Variants in PHACTR4 observed in about 807,000 individuals in gnomAD.
PHACTR4 encodes protein phosphatase 1, regulatory subunit 124.
Under a neutral mutation model 72.7 loss-of-function variants are expected in PHACTR4, and 51 were observed. That is an observed-to-expected ratio of 0.70 (90% CI 0.56 to 0.89). The LOEUF (loss-of-function observed/expected upper bound fraction) is 0.89, where lower values mean the gene tolerates loss of function less well. Ranked by LOEUF, PHACTR4 falls within the 40% of genes least tolerant of loss-of-function variation. The probability of loss-of-function intolerance (pLI) is 0.00; values close to 1 mark genes in which losing one functional copy is unlikely to be tolerated. For missense variants in PHACTR4, 731 were observed against 861.8 expected (o/e 0.85, Z 1.90); for synonymous variants, 255 against 302.5 (o/e 0.84, Z 1.63).
At chr1:28,457,232 G>A (rs1274824132) in intron 2 of PHACTR4, 15 of 402,618 alleles carry the variant, frequency 3.7e-5, no homozygotes, top group Non-Finnish European at 7.6e-5. Context: ...GATTGAATTT[G>A]GCAGTTGTTT....
At chr1:28,373,675 C>T (rs1651422441) in intron 1 of PHACTR4, among the ~76,000 whole-genome samples, 1 of 152,194 alleles carries the variant, frequency 6.6e-6, no homozygotes, top group South Asian at 2.1e-4. Flanking sequence ...ATCCTCTCAC[C>T]TCAGCCTCCC....
Position 28,389,511 on chromosome 1 carries a change from C to T in PHACTR4, c.-38-17899C>T, listed in dbSNP as rs191073895. Among the ~76,000 whole-genome samples, 7 of 146,228 alleles carry T rather than the reference C, an allele frequency of 4.8e-5. No individual in the cohort carries two copies. The East Asian group carries it at 1.4e-3, about 29-fold the overall frequency. ...TTTTTTTTTTTGAGACACAGTCTCG[C>T]TCTGTTGCCAGGCTGGAGTGCAGTG... is the stretch of plus-strand genomic sequence containing the variant. On this transcript the variant is annotated intron_variant, in intron 1 of 13. Transcript: ENST00000373839.
chr1:28,450,898 C>T (rs1447984297), intron 2 of PHACTR4, among the ~76,000 whole-genome samples: 2 of 150,104 alleles, frequency 1.3e-5, no homozygotes, highest in Admixed American at 6.7e-5. Flanking sequence ...GCAGCCTCTG[C>T]CTCCCGGGTT....
At chr1:28,433,567 C>T (rs1656427819) in intron 2 of PHACTR4, among the ~76,000 whole-genome samples, 1 of 146,184 alleles carries the variant, frequency 6.8e-6, no homozygotes, top group Admixed American at 7.0e-5. Flanking sequence ...AAGCAATTTT[C>T]CTGCCTCAGC....
intron 4 of PHACTR4, among the ~76,000 whole-genome samples, chr1:28,461,857 T>C (rs1279670284): frequency 1.3e-5 from 2 of 151,704 alleles, no homozygotes; most frequent in South Asian, 2.1e-4. Flanking sequence ...TTCTTTCTTT[T>C]TTTTTTTTTG....
intron 2 of PHACTR4, among the ~76,000 whole-genome samples, chr1:28,444,102 T>C (rs1347612107): frequency 6.6e-6 from 1 of 152,250 alleles, no homozygotes; most frequent in Middle Eastern, 3.4e-3. Context: ...TGGCTACTTT[T>C]TGTCTTTTTG....
Position 28,474,743 on chromosome 1 carries a change from A to G in PHACTR4, c.1421+592A>G, listed in dbSNP as rs866221905. Among the ~76,000 whole-genome samples the G allele has an allele frequency of 2.6e-4, 39 of 151,434 alleles. No individual in the cohort carries two copies. In the South Asian group the frequency reaches 7.9e-3, roughly 31 times the overall value. Reference sequence around the variant, plus strand: ...TTTTTAGTGGAGATGGGGTTTCAACATGTTGGCCAGGCTGGTCTCGAACTC... The same window carrying G: ...TTTTTAGTGGAGATGGGGTTTCAACGTGTTGGCCAGGCTGGTCTCGAACTC... On this transcript the variant is annotated intron_variant, in intron 7 of 13. Transcript: ENST00000373839.
intron 1 of PHACTR4, among the ~76,000 whole-genome samples, chr1:28,379,630 C>T (rs1201284820): frequency 6.8e-6 from 1 of 147,908 alleles, no homozygotes; most frequent in Non-Finnish European, 1.5e-5. Flanking sequence ...CGCTCTGTTG[C>T]CCAGGCTGGA....
intron 2 of PHACTR4, among the ~76,000 whole-genome samples, chr1:28,453,165 A>T (rs1039987780): frequency 5.9e-5 from 9 of 152,134 alleles, no homozygotes; most frequent in Non-Finnish European, 1.2e-4. Context: ...ATTAACTAGC[A>T]TATACTGTAC....
chr1:28,385,475 G>A (rs554733384), intron 1 of PHACTR4, among the ~76,000 whole-genome samples: 126 of 150,446 alleles, frequency 8.4e-4, no homozygotes, highest in Non-Finnish European at 1.5e-3. Context: ...ACCTGGAGGC[G>A]GAGGTTGCAG....
chr1:28,387,015 C>T (rs972920895), intron 1 of PHACTR4, among the ~76,000 whole-genome samples: 4 of 152,068 alleles, frequency 2.6e-5, no homozygotes, highest in African/African-American at 9.7e-5. Flanking sequence ...GTAATCCCAG[C>T]ACTTTGGGAG....
At chr1:28,435,801 C>T (rs1179564188) in intron 2 of PHACTR4, among the ~76,000 whole-genome samples, 3 of 152,198 alleles carry the variant, frequency 2.0e-5, no homozygotes, top group African/African-American at 7.2e-5. Context: ...ACAAGCAATG[C>T]ATTGCCACCT....
At chr1:28,468,233 G>T (rs1469929461) in intron 6 of PHACTR4, among the ~76,000 whole-genome samples, 2 of 152,134 alleles carry the variant, frequency 1.3e-5, no homozygotes, top group East Asian at 1.9e-4. Flanking sequence ...ACCTTGTGCT[G>T]CAGGAAACCA....
At chr1:28,453,590 G>A in intron 2 of PHACTR4, 3 of 965,590 alleles carry the variant, frequency 3.1e-6, no homozygotes, top group South Asian at 1.5e-5. Flanking sequence ...CAGCACAGTG[G>A]ATGCATTTCT....
At chr1:28,380,597 T>G (rs574954540) in intron 1 of PHACTR4, among the ~76,000 whole-genome samples, 38 of 152,336 alleles carry the variant, frequency 2.5e-4, no homozygotes, top group African/African-American at 8.7e-4. Context: ...ATGTGATATT[T>G]GTTTTTCTGT....
intron 1 of PHACTR4, among the ~76,000 whole-genome samples, chr1:28,374,054 T>A (rs573022575): frequency 6.6e-6 from 1 of 152,336 alleles, no homozygotes; most frequent in Non-Finnish European, 1.5e-5. Flanking sequence ...GAACTGGAAT[T>A]TCTGGAACCA....
chr1:28,390,402 G>T (rs941849416), intron 1 of PHACTR4, among the ~76,000 whole-genome samples: 1 of 152,304 alleles, frequency 6.6e-6, no homozygotes, highest in African/African-American at 2.4e-5. Context: ...CACCACCAAG[G>T]CTGTGGCTAC....
intron 2 of PHACTR4, among the ~76,000 whole-genome samples, chr1:28,445,604 A>G (rs1320234492): frequency 6.6e-6 from 1 of 151,804 alleles, no homozygotes; most frequent in Non-Finnish European, 1.5e-5. Flanking sequence ...TCTTTCCTAC[A>G]TTCCTTTTCC....
At chr1:28,406,124 T>G (rs534468484) in intron 1 of PHACTR4, among the ~76,000 whole-genome samples, 10 of 152,302 alleles carry the variant, frequency 6.6e-5, no homozygotes, top group Admixed American at 3.3e-4. Flanking sequence ...ACTGATAAGA[T>G]TGTATTAAAA....
Sources: gnomAD v4.1 joint callset for allele counts (sites outside exome capture counted in the v4.1 genomes callset) on GRCh38, gnomAD v4.1.1 for gene constraint, MANE v1.5 for transcripts, NCBI Gene and HGNC (gene_info 2026-07-23, HGNC 2026-07-21) for gene names.